Variants in ANKRD44 observed in about 807,000 individuals in gnomAD.
The protein encoded by ANKRD44 is serine/threonine-protein phosphatase 6 regulatory ankyrin repeat subunit B.
ANKRD44 carries 35 observed loss-of-function variants against 116.0 expected under a neutral mutation model. That is an observed-to-expected ratio of 0.30 (90% CI 0.23 to 0.40). ANKRD44 has a LOEUF of 0.40. Ranked by LOEUF, ANKRD44 falls within the 10% of genes least tolerant of loss-of-function variation. The pLI is 1.00. For synonymous variants in ANKRD44, 435 were observed against 461.8 expected, an observed-to-expected ratio of 0.94 and a Z score of 0.74; for missense variants, 1,014 against 1,242.6, an observed-to-expected ratio of 0.82 and a Z score of 2.77.
intron 4 of ANKRD44, among the ~76,000 whole-genome samples, chr2:197,127,169 T>C (rs1381325269): frequency 3.3e-5 from 5 of 152,346 alleles, no homozygotes; most frequent in African/African-American, 9.6e-5. Flanking sequence ...GGCTGACTTA[T>C]GGGCTCTTGC....
chr2:197,131,003 G>T (rs1370668972), intron 4 of ANKRD44, among the ~76,000 whole-genome samples: 2 of 152,170 alleles, frequency 1.3e-5, no homozygotes, highest in Non-Finnish European at 2.9e-5. Flanking sequence ...TAAGCAGGCA[G>T]CTTCTCTAGT....
In ANKRD44 at chr2:196,987,057, C is replaced by T; in HGVS notation, c.*2534G>A. Reference sequence around the variant, plus strand: ...AGCATAAAATATGTAGACAAAACTACCAAATAAAAGATATTTGCATTGAAT... The same window carrying T: ...AGCATAAAATATGTAGACAAAACTATCAAATAAAAGATATTTGCATTGAAT... On this transcript the variant is annotated 3_prime_UTR_variant, in exon 28 of 28. Transcript: ENST00000282272. 1.0e-6 allele frequency: 1 copy of T among 984,802 alleles called. No homozygotes were observed. The highest frequency in any genetic ancestry group is 1.2e-6 in the Non-Finnish European group (1 of 829,422). The allele number at this position is 984,802 out of a possible 1,614,324, so 61.0% of individuals were successfully genotyped here.
chr2:196,989,850 T>C (rs1242613997), intron 27 of ANKRD44: 3 of 1,260,412 alleles, frequency 2.4e-6, no homozygotes, highest in East Asian at 3.2e-5. Context: ...ATGCTGATGA[T>C]TCTGATGTTT....
At chr2:196,986,359 G>A (rs2075837203), downstream of ANKRD44, among the ~76,000 whole-genome samples, 1 of 148,336 alleles carries the variant, frequency 6.7e-6, no homozygotes, top group African/African-American at 2.5e-5. Flanking sequence ...AGGCTGCAGT[G>A]AGCCGAGATC....
intron 21 of ANKRD44, among the ~76,000 whole-genome samples, chr2:196,975,550 G>A (rs575658327): frequency 4.0e-5 from 6 of 151,858 alleles, no homozygotes; most frequent in Non-Finnish European, 7.4e-5. Context: ...TCGGGAGGCC[G>A]AGGTAGGTGG....
chr2:197,013,990 T>C (rs2076343588), intron 17 of ANKRD44, among the ~76,000 whole-genome samples: 1 of 152,264 alleles, frequency 6.6e-6, no homozygotes, highest in Non-Finnish European at 1.5e-5. Context: ...TGTATTCTTA[T>C]ATTTATATCT....
At chr2:196,985,295 C>T (rs2075829165), downstream of ANKRD44, among the ~76,000 whole-genome samples, 1 of 152,170 alleles carries the variant, frequency 6.6e-6, no homozygotes, top group African/African-American at 2.4e-5. Context: ...CTAGGGCTGA[C>T]TCATAGAAAC....
At chr2:197,131,255 G>A (rs989036363) in intron 4 of ANKRD44, among the ~76,000 whole-genome samples, 1 of 149,304 alleles carries the variant, frequency 6.7e-6, no homozygotes. Flanking sequence ...GCAGTGGCGC[G>A]ATCTCGGCTC....
chr2:197,164,701 A>C (rs1231513819), intron 2 of ANKRD44, among the ~76,000 whole-genome samples: 1 of 151,794 alleles, frequency 6.6e-6, no homozygotes, highest in African/African-American at 2.4e-5. Flanking sequence ...GCCTCCGCTC[A>C]TTTGGGCCTG....
At chr2:197,099,602 C>A (rs938173379) in intron 10 of ANKRD44, 1 of 1,258,254 alleles carries the variant, frequency 7.9e-7, no homozygotes. Flanking sequence ...CTGAAATAGA[C>A]CTCATTTGGA....
intron 1 of ANKRD44, among the ~76,000 whole-genome samples, chr2:197,272,171 G>C (rs944909088): frequency 2.6e-5 from 4 of 152,118 alleles, no homozygotes; most frequent in African/African-American, 9.7e-5. Context: ...CCCCGATCTG[G>C]GAATTCCTAG....
intron 16 of ANKRD44, among the ~76,000 whole-genome samples, chr2:197,058,047 G>T (rs1574368815): frequency 6.6e-6 from 1 of 152,074 alleles, no homozygotes; most frequent in South Asian, 2.1e-4. Context: ...AATCTGTCAA[G>T]ATAGGGCTGG....
Position 197,170,648 on chromosome 2 carries a change from G to A in ANKRD44, c.111+16375C>T, listed in dbSNP as rs535512673. Among the ~76,000 whole-genome samples the A allele has an allele frequency of 6.6e-5, 10 of 152,266 alleles. No individual in the cohort carries two copies. The East Asian group carries it at 1.9e-3, about 29-fold the overall frequency. On this transcript the variant is annotated intron_variant, in intron 2 of 27. Transcript: ENST00000282272. ...ATTTTCATATGTCTTTTTAATATCA[G>A]TAAAAAGATCAGATTTTTGTTAAAG...
intron 1 of ANKRD44, among the ~76,000 whole-genome samples, chr2:197,268,684 C>G (rs1109476): frequency 0.18 from 27,152 of 151,924 alleles, 2,558 homozygotes; most frequent in Middle Eastern, 0.28. Context: ...TGGAAGAATG[C>G]GGTGAATGGG....
At chr2:197,160,845 A>G (rs1559114189) in intron 2 of ANKRD44, among the ~76,000 whole-genome samples, 1 of 152,152 alleles carries the variant, frequency 6.6e-6, no homozygotes, top group Non-Finnish European at 1.5e-5. Flanking sequence ...AAACCTTCAA[A>G]TAAGTCAACC....
intron 8 of ANKRD44, among the ~76,000 whole-genome samples, chr2:197,120,855 G>A (rs1242313750): frequency 6.6e-6 from 1 of 151,776 alleles, no homozygotes; most frequent in Non-Finnish European, 1.5e-5. Context: ...CATTCACTAA[G>A]CTAACAAGAA....
chr2:197,173,473 AC>A (rs1272740123), intron 2 of ANKRD44, among the ~76,000 whole-genome samples: 5 of 152,328 alleles, frequency 3.3e-5, no homozygotes, highest in Admixed American at 3.3e-4. Context: ...TATAGCAAAA[AC>A]AGACTTCCCT....
intron 16 of ANKRD44, among the ~76,000 whole-genome samples, chr2:197,041,565 C>T (rs576410951): frequency 1.3e-5 from 2 of 152,312 alleles, no homozygotes; most frequent in African/African-American, 4.8e-5. Flanking sequence ...TCTCTTCTCT[C>T]CCCATTCTAA....
intron 21 of ANKRD44, among the ~76,000 whole-genome samples, chr2:196,976,153 A>G (rs1574208806): frequency 6.6e-6 from 1 of 152,258 alleles, no homozygotes; most frequent in East Asian, 1.9e-4. Context: ...ATATATTGAG[A>G]TGGAGTCTCG....
Sources: gnomAD v4.1 joint callset for allele counts (sites outside exome capture counted in the v4.1 genomes callset) on GRCh38, gnomAD v4.1.1 for gene constraint, MANE v1.5 for transcripts, NCBI Gene and HGNC (gene_info 2026-07-23, HGNC 2026-07-21) for gene names.